Variants in TULP4 observed in about 807,000 individuals in gnomAD.
The protein encoded by TULP4 is TUB like protein 4.
In TULP4, 16 loss-of-function variants were observed where a neutral mutation model predicts 129.0. The observed-to-expected ratio is 0.12, with a 90% CI of 0.08 to 0.19. TULP4 has a LOEUF of 0.19. Ranked by LOEUF, TULP4 falls within the 10% of genes least tolerant of loss-of-function variation. TULP4 has a pLI of 1.00. For synonymous variants in TULP4, 998 were observed against 854.0 expected (o/e 1.17, Z -2.94); for missense variants, 1,842 against 2,059.1 (o/e 0.89, Z 2.04).
Position 158,502,231 on chromosome 6 carries a change from C to T in TULP4, c.2568C>T (p.Pro856=). The T allele has an allele frequency of 1.3e-6, 2 of 1,568,016 alleles. No individual in the cohort carries two copies. Among genetic ancestry groups the T allele is most frequent in the Non-Finnish European group, 8.7e-7 (1 of 1,151,040 alleles). The part of the protein sequence containing the change: ...TTAAPPPPLP[P]PQPPVDVCLK... Reference sequence around the variant, plus strand: ...CAGCACCCCCGCCCCCTCTGCCGCCCCCACAGCCCCCAGTGGATGTGTGCT... The same window carrying T: ...CAGCACCCCCGCCCCCTCTGCCGCCTCCACAGCCCCCAGTGGATGTGTGCT... Residue 856 remains proline, a synonymous_variant, in exon 13 of 14, where the codon CCC becomes CCT. Transcript: ENST00000367097.
rs780461485 is a variant in TULP4 at position 158,502,466 on chromosome 6, C to A, written c.2803C>A (p.Pro935Thr). ...LRLTATEKKV[P>T]QPCSSATLNR... ...GCTCACGGCCACTGAGAAGAAGGTCCCTCAGCCCTGCAGCAGTGCCACCCT... is the reference window on the plus strand; with the variant it reads ...GCTCACGGCCACTGAGAAGAAGGTCACTCAGCCCTGCAGCAGTGCCACCCT... The change falls in exon 13 of 14, where the codon CCT becomes ACT. Residue 935 changes from proline to threonine, a missense_variant. Coordinates refer to ENST00000367097, the MANE Select transcript of TULP4 (RefSeq NM_020245.5). 1 of 1,613,564 alleles carries A rather than the reference C, an allele frequency of 6.2e-7. No homozygotes were observed. The highest frequency in any genetic ancestry group is 2.2e-5 in the East Asian group (1 of 44,864).
chr6:158,472,041 C>T lies in TULP4; in HGVS notation c.1027-7710C>T, dbSNP rs79564111. ...TTCCTTCTACAGGGAATGTCCTTCCCGCCGTTTTAGCTCAGGAATTGGATC... is the reference window on the plus strand; with the variant it reads ...TTCCTTCTACAGGGAATGTCCTTCCTGCCGTTTTAGCTCAGGAATTGGATC... On this transcript the variant is annotated intron_variant, in intron 6 of 13. Coordinates refer to ENST00000367097, the MANE Select transcript of TULP4 (RefSeq NM_020245.5). Among the ~76,000 whole-genome samples, 890 of 152,308 alleles carry T rather than the reference C, an allele frequency of 5.8e-3. 11 individuals are homozygous for T. Among genetic ancestry groups the T allele is most frequent in the African/African-American group, 0.02 (847 of 41,568 alleles).
intron 13 of TULP4, among the ~76,000 whole-genome samples, chr6:158,505,054 A>G (rs972006563): frequency 1.3e-5 from 2 of 152,104 alleles, no homozygotes; most frequent in African/African-American, 4.8e-5. Flanking sequence ...AGACATATCA[A>G]CTTCCTGTTA....
chr6:158,480,452 G>A (rs912135521), intron 7 of TULP4, among the ~76,000 whole-genome samples: 3 of 152,232 alleles, frequency 2.0e-5, no homozygotes, highest in African/African-American at 7.2e-5. Flanking sequence ...CCTGCTCTCA[G>A]CACTGCTGAG....
chr6:158,343,254 C>A (rs1780224664), intron 1 of TULP4, among the ~76,000 whole-genome samples: 1 of 152,104 alleles, frequency 6.6e-6, no homozygotes, highest in Non-Finnish European at 1.5e-5. Flanking sequence ...AACTCAGATT[C>A]TGGTTGAAAC....
At position 158,511,335 on chromosome 6, in the gene TULP4, A is replaced by G. The variant is rs1392912566; in HGVS notation, c.*4641A>G. 1 of 151,508 alleles carries G rather than the reference A, an allele frequency of 6.6e-6. No homozygotes were observed. Among genetic ancestry groups the G allele is most frequent in the Non-Finnish European group, 1.5e-5 (1 of 67,882 alleles). 9.4% of individuals were successfully genotyped at this position (151,508 alleles called of 1,614,324 possible). On this transcript the variant is annotated 3_prime_UTR_variant, in exon 14 of 14. Transcript: ENST00000367097. ...TTGTTTATAAATGCATTATTTTGGT[A>G]CTGTAAATTTGGACATAATTTCTGA... is the stretch of plus-strand genomic sequence containing the variant.
At chr6:158,329,530 T>G (rs141391121) in intron 1 of TULP4, among the ~76,000 whole-genome samples, 33 of 151,146 alleles carry the variant, frequency 2.2e-4, no homozygotes, top group African/African-American at 8.0e-4. Flanking sequence ...TTTTGTAAAC[T>G]CCTTGGTAGC....
chr6:158,246,378 G>C (rs1330070313), intron 1 of TULP4, among the ~76,000 whole-genome samples: 3 of 151,874 alleles, frequency 2.0e-5, no homozygotes, highest in African/African-American at 7.3e-5. Flanking sequence ...TGTAGTCCCA[G>C]CTACTCAGGA....
chr6:158,455,989 G>T (rs111498700), intron 5 of TULP4, among the ~76,000 whole-genome samples: 27 of 152,256 alleles, frequency 1.8e-4, no homozygotes, highest in African/African-American at 5.3e-4. Flanking sequence ...TCAAAGAAAG[G>T]CCACATGGTT....
At chr6:158,342,491 G>T (rs1390971030) in intron 1 of TULP4, among the ~76,000 whole-genome samples, 2 of 152,132 alleles carry the variant, frequency 1.3e-5, no homozygotes, top group African/African-American at 4.8e-5. Context: ...ATAGTTCCAC[G>T]TGCCTGATCC....
In TULP4 at chr6:158,330,965, A is replaced by G. The variant is rs376831626; in HGVS notation, c.252+16697A>G. Among the ~76,000 whole-genome samples the G allele has an allele frequency of 6.0e-4, 91 of 152,282 alleles. 1 individual carries two copies. Among genetic ancestry groups the G allele is most frequent in the African/African-American group, 1.9e-3 (80 of 41,566 alleles). On this transcript the variant is annotated intron_variant, in intron 1 of 13. Transcript: ENST00000367097. ...ATCATCCCAAGCCAGAATACTACAT[A>G]AATGATGTGTCCTTTTCAGGGTGTC...
intron 5 of TULP4, among the ~76,000 whole-genome samples, chr6:158,455,837 T>C (rs1326396279): frequency 6.6e-6 from 1 of 152,102 alleles, no homozygotes; most frequent in East Asian, 1.9e-4. Context: ...ATCAAGTAGG[T>C]GCTGTAAGGA....
intron 1 of TULP4, among the ~76,000 whole-genome samples, chr6:158,366,923 C>T (rs758901365): frequency 2.0e-5 from 3 of 152,198 alleles, no homozygotes; most frequent in South Asian, 2.1e-4. Flanking sequence ...TGTCCTTATG[C>T]GTCTGGGCCA....
rs1778001890 is a variant in TULP4 at position 158,407,763 on chromosome 6, T to C, written c.253-5302T>C. On this transcript the variant is annotated intron_variant, in intron 1 of 13. Coordinates refer to ENST00000367097, the MANE Select transcript of TULP4 (RefSeq NM_020245.5). ...AACATATCGTATGATTCCTTTTATA[T>C]GAAATGTCCAGAGTAGGCAAATCTG... 3.3e-5 allele frequency among the ~76,000 whole-genome samples: 5 copies of C among 152,196 alleles called. No homozygotes were observed. In the South Asian group the frequency reaches 1.0e-3, roughly 31 times the overall value.
At chr6:158,242,125 T>C (rs1217480549) in intron 1 of TULP4, 3 of 879,066 alleles carry the variant, frequency 3.4e-6, no homozygotes, top group Non-Finnish European at 5.8e-6. Flanking sequence ...CTGCAGAATA[T>C]AGGCCATCTG....
chr6:158,257,140 A>T (rs938390673), intron 1 of TULP4, among the ~76,000 whole-genome samples: 9 of 152,060 alleles, frequency 5.9e-5, no homozygotes, highest in Admixed American at 2.6e-4. Context: ...CTGTGGAGTG[A>T]GTTTTTGTTG....
intron 1 of TULP4, among the ~76,000 whole-genome samples, chr6:158,260,436 C>T (rs1029136677): frequency 4.0e-5 from 6 of 151,872 alleles, no homozygotes; most frequent in Admixed American, 2.0e-4. Flanking sequence ...ATTAGCTGGG[C>T]GAGGTGGTGG....
intron 8 of TULP4, chr6:158,481,537 C>G (rs1484489039): frequency 9.0e-6 from 5 of 552,512 alleles, no homozygotes; most frequent in Non-Finnish European, 1.6e-5. Flanking sequence ...ATAGATGAAC[C>G]AGGCAAGGGG....
In TULP4 at chr6:158,461,637, G is replaced by A. The variant is rs1295220855; in HGVS notation, c.934G>A (p.Glu312Lys). The change falls in exon 6 of 14, where the codon GAG becomes AAG. Residue 312 changes from glutamate to lysine, a missense_variant. Physicochemically the swap from Glu to Lys is moderately conservative, Grantham distance 56 (BLOSUM62 1). This residue lies in a region of TULP4 where 456 missense variants were observed against 534.3 expected (regional missense o/e 0.85). Transcript: ENST00000367097. ...AGMERQTQLG[E>K]LPNGPLLKSA... is the part of the protein sequence containing the mutation. ...GATGGAACGGCAGACCCAGCTTGGTGAGCTTCCCAATGGTCCCCTTCTGAA... is the reference window on the plus strand; with the variant it reads ...GATGGAACGGCAGACCCAGCTTGGTAAGCTTCCCAATGGTCCCCTTCTGAA... The A allele has an allele frequency of 6.2e-7, 1 of 1,613,946 alleles. No individual in the cohort carries two copies. Among genetic ancestry groups the A allele is most frequent in the Non-Finnish European group, 8.5e-7 (1 of 1,180,040 alleles).
Sources: allele counts gnomAD v4.1 joint callset (sites outside exome capture counted in the v4.1 genomes callset), GRCh38; gene constraint gnomAD v4.1.1; regional missense constraint gnomAD v4.1.1; transcripts MANE v1.5; gene names NCBI Gene and HGNC (gene_info 2026-07-23, HGNC 2026-07-21).